DLC1: variants seen among roughly 807,000 people sequenced by gnomAD.
DLC1 encodes rho GTPase-activating protein 7.
Under a neutral mutation model 140.3 loss-of-function variants are expected in DLC1, and 54 were observed. The observed-to-expected ratio is 0.38, with a 90% CI of 0.31 to 0.48. The LOEUF (loss-of-function observed/expected upper bound fraction) is 0.48, where lower values mean the gene tolerates loss of function less well. Among genes scored for constraint, DLC1 ranks in the 20% least tolerant of loss-of-function variants. The pLI is 0.96. For synonymous variants in DLC1, 986 were observed against 728.1 expected, an observed-to-expected ratio of 1.35 and a Z score of -5.70; for missense variants, 2,536 against 1,907.0, an observed-to-expected ratio of 1.33 and a Z score of -6.14.
At chr8:13,293,745 GA>G (rs1430861924) in intron 5 of DLC1, among the ~76,000 whole-genome samples, 1 of 152,104 alleles carries the variant, frequency 6.6e-6, no homozygotes, top group Non-Finnish European at 1.5e-5. Flanking sequence ...AGAGACCTGG[GA>G]AGACCACTTC....
Position 13,143,654 on chromosome 8 carries a change from C to T in DLC1, c.1349-27997G>A, listed in dbSNP as rs978840687. The stretch of plus-strand genomic sequence containing the variant: ...TTTTTTTTCCTGCTAAATTGGTGTC[C>T]TCTCACCTTAGCCTCTTAAAGTGCT... On this transcript the variant is annotated intron_variant, in intron 5 of 17. Coordinates refer to ENST00000276297, the MANE Select transcript of DLC1 (RefSeq NM_182643.3). Among the ~76,000 whole-genome samples, 11 of 150,734 alleles carry T rather than the reference C, an allele frequency of 7.3e-5. No homozygotes were observed. In the South Asian group the frequency reaches 1.0e-3, roughly 14 times the overall value.
intron 4 of DLC1, among the ~76,000 whole-genome samples, chr8:13,381,298 G>A (rs764219456): frequency 1.1e-4 from 17 of 152,150 alleles, no homozygotes; most frequent in Non-Finnish European, 2.1e-4. Context: ...AAGTGTTCAC[G>A]TATCTCTACA....
intron 5 of DLC1, chr8:13,276,645 A>C (rs1277509234): frequency 8.5e-7 from 1 of 1,179,264 alleles, no homozygotes; most frequent in Non-Finnish European, 1.1e-6. Flanking sequence ...CGCGAGCTGC[A>C]GCACAGCTAT....
chr8:13,166,898 G>T (rs138853527), intron 5 of DLC1, among the ~76,000 whole-genome samples: 138 of 152,250 alleles, frequency 9.1e-4, no homozygotes, highest in Non-Finnish European at 1.7e-3. Context: ...TGGCCCTGGA[G>T]AAAATACCTT....
chr8:13,468,343 C>CCTCCT (rs1800043329), intron 2 of DLC1, among the ~76,000 whole-genome samples: 1 of 102,888 alleles, frequency 9.7e-6, no homozygotes, highest in South Asian at 4.7e-4. Context: ...CCCCCATTCC[C>CCTCCT]CTCCCCTCCC....
chr8:13,359,571 G>A (rs553253108), intron 4 of DLC1, among the ~76,000 whole-genome samples: 1 of 152,186 alleles, frequency 6.6e-6, no homozygotes, highest in East Asian at 1.9e-4. Context: ...GCATTGGAAA[G>A]GAAACTCCAC....
At chr8:13,182,735 A>T (rs1271699284) in intron 5 of DLC1, among the ~76,000 whole-genome samples, 1 of 152,136 alleles carries the variant, frequency 6.6e-6, no homozygotes, top group East Asian at 1.9e-4. Context: ...CTTGTAGTAT[A>T]GTTTGAAGTC....
chr8:13,153,310 C>A (rs1823981317), intron 5 of DLC1, among the ~76,000 whole-genome samples: 1 of 152,196 alleles, frequency 6.6e-6, no homozygotes, highest in African/African-American at 2.4e-5. Flanking sequence ...GAGTTGTTCT[C>A]TCCTCCCGGC....
At chr8:13,099,188 T>G (rs752017048) in intron 9 of DLC1, among the ~76,000 whole-genome samples, 159 bp downstream of exon 9, 1 of 152,164 alleles carries the variant, frequency 6.6e-6, no homozygotes, top group Non-Finnish European at 1.5e-5. Context: ...TCCTATCGAT[T>G]TCTTTGAATT....
At chr8:13,139,630 A>G (rs1822826397) in intron 5 of DLC1, among the ~76,000 whole-genome samples, 1 of 152,198 alleles carries the variant, frequency 6.6e-6, no homozygotes, top group African/African-American at 2.4e-5. Flanking sequence ...TACTTACTAT[A>G]TTGACAGTAG....
chr8:13,102,182 C>T (rs1778126406), intron 8 of DLC1, among the ~76,000 whole-genome samples: 1 of 152,110 alleles, frequency 6.6e-6, no homozygotes, highest in Admixed American at 6.5e-5. Flanking sequence ...CACTTACTCC[C>T]AGTACTACAC....
intron 2 of DLC1, among the ~76,000 whole-genome samples, chr8:13,420,632 A>G (rs1374731913): frequency 6.6e-6 from 1 of 151,848 alleles, no homozygotes; most frequent in Admixed American, 6.6e-5. Flanking sequence ...TTCAACTCTC[A>G]CTTATGAGTG....
At chr8:13,428,391 AT>A (rs1776848920) in intron 2 of DLC1, among the ~76,000 whole-genome samples, 1 of 152,156 alleles carries the variant, frequency 6.6e-6, no homozygotes, top group African/African-American at 2.4e-5. Flanking sequence ...AATCAAATCA[AT>A]TTTCAAAAAT....
At chr8:13,213,089 C>T (rs1015617903) in intron 5 of DLC1, among the ~76,000 whole-genome samples, 1 of 152,106 alleles carries the variant, frequency 6.6e-6, no homozygotes, top group African/African-American at 2.4e-5. Context: ...ATTTTAGTCT[C>T]GCTCAAAGAT....
chr8:13,603,991 C>G (rs558571980), intron 1 of DLC1, among the ~76,000 whole-genome samples: 2 of 152,020 alleles, frequency 1.3e-5, no homozygotes, highest in African/African-American at 4.8e-5. Context: ...TTTGATCAAA[C>G]TCTATGAAAA....
chr8:13,208,011 G>GTCTAA (rs564227884), intron 5 of DLC1, among the ~76,000 whole-genome samples: 1,533 of 152,292 alleles, frequency 0.01, 12 homozygotes, highest in South Asian at 0.036. Flanking sequence ...AGTGCAAAAT[G>GTCTAA]TCTAGTATTT....
intron 5 of DLC1, among the ~76,000 whole-genome samples, chr8:13,230,927 C>T (rs191144342): frequency 6.6e-6 from 1 of 151,994 alleles, no homozygotes; most frequent in African/African-American, 2.4e-5. Context: ...ATGGGATTTT[C>T]AGGATTGCTT....
intron 4 of DLC1, among the ~76,000 whole-genome samples, chr8:13,392,219 C>A (rs17805140): frequency 6.6e-6 from 1 of 152,028 alleles, no homozygotes; most frequent in East Asian, 1.9e-4. Flanking sequence ...CATTTCATTG[C>A]GTTTCACTGT....
intron 5 of DLC1, among the ~76,000 whole-genome samples, chr8:13,117,345 G>C (rs1820642749): frequency 6.6e-6 from 1 of 152,056 alleles, no homozygotes; most frequent in South Asian, 2.1e-4. Flanking sequence ...AGGTGTGGTG[G>C]TGTGCTCCTG....
Sources: gnomAD v4.1 joint callset for allele counts (sites outside exome capture counted in the v4.1 genomes callset) on GRCh38, gnomAD v4.1.1 for gene constraint, MANE v1.5 for transcripts, NCBI Gene and HGNC (gene_info 2026-07-23, HGNC 2026-07-21) for gene names.